Variants in M1AP observed in about 807,000 individuals in gnomAD.
M1AP encodes the protein meiosis 1 arrest protein.
Under a neutral mutation model 51.2 loss-of-function variants are expected in M1AP, and 39 were observed. The ratio of observed to expected loss-of-function variants is 0.76; its 90% CI spans 0.59 to 1.00. M1AP has a LOEUF of 1.00. Ranked by LOEUF, M1AP falls within the 50% of genes least tolerant of loss-of-function variation. The pLI is 0.00. For synonymous variants in M1AP, 251 were observed against 249.2 expected, an observed-to-expected ratio of 1.01 and a Z score of -0.07; for missense variants, 545 against 641.2, an observed-to-expected ratio of 0.85 and a Z score of 1.62.
chr2:74,558,376 C>G lies in M1AP; in HGVS notation c.*340G>C, dbSNP rs377649995. The G allele has an allele frequency of 8.5e-6, 2 of 235,888 alleles. No individual in the cohort carries two copies. The highest frequency in any genetic ancestry group is 5.8e-5 in the South Asian group (1 of 17,294). 14.6% of individuals were successfully genotyped at this position (235,888 alleles called of 1,614,324 possible). ...ACCAAAGGTGATCTGACCTCATCCA[C>G]CTGCTTACACAGAGCTACAAGAAGA... On this transcript the variant is annotated 3_prime_UTR_variant, in exon 11 of 11. Coordinates refer to ENST00000421985, the MANE Select transcript of M1AP (RefSeq NM_001321739.2).
intron 7 of M1AP, among the ~76,000 whole-genome samples, chr2:74,574,320 A>T (rs1208989970): frequency 1.3e-5 from 2 of 152,208 alleles, no homozygotes; most frequent in African/African-American, 4.8e-5. Flanking sequence ...GAAACCATGC[A>T]GTTATTTGAT....
chr2:74,628,166 A>G (rs1162140901), intron 2 of M1AP, among the ~76,000 whole-genome samples: 1 of 152,244 alleles, frequency 6.6e-6, no homozygotes. Flanking sequence ...AATAAAAACA[A>G]TACGAAAACT....
chr2:74,635,532 T>C (rs567617117), intron 2 of M1AP, among the ~76,000 whole-genome samples: 44 of 152,214 alleles, frequency 2.9e-4, no homozygotes, highest in African/African-American at 1.1e-3. Flanking sequence ...TCATTTTGCT[T>C]TTCCTTTTCT....
rs148756763 is a variant in M1AP at position 74,585,726 on chromosome 2, C to T, written c.596-3879G>A. On this transcript the variant is annotated intron_variant, in intron 4 of 10. Coordinates refer to ENST00000421985, the MANE Select transcript of M1AP (RefSeq NM_001321739.2). The stretch of plus-strand genomic sequence containing the variant: ...TGAGCACCTCTTGGGGGCAGACTTA[C>T]ATTATCCAAACTAGAGACTTATGTG... Among the ~76,000 whole-genome samples, 77 of 152,338 alleles carry T rather than the reference C, an allele frequency of 5.1e-4. 1 individual carries two copies. The highest frequency in any genetic ancestry group is 1.8e-3 in the African/African-American group (73 of 41,576).
At chr2:74,643,904 T>C (rs1683454924) in intron 1 of M1AP, among the ~76,000 whole-genome samples, 3 of 152,218 alleles carry the variant, frequency 2.0e-5, no homozygotes, top group Admixed American at 2.0e-4. Context: ...CCTAATGTTC[T>C]ATTTCTTGAT....
chr2:74,643,243 C>CA (rs897421027), intron 1 of M1AP, among the ~76,000 whole-genome samples: 4 of 151,936 alleles, frequency 2.6e-5, no homozygotes, highest in African/African-American at 4.8e-5. Flanking sequence ...ACACAAATGT[C>CA]AATCTACATT....
intron 2 of M1AP, among the ~76,000 whole-genome samples, chr2:74,626,486 T>C (rs531534472): frequency 6.6e-6 from 1 of 152,278 alleles, no homozygotes; most frequent in Non-Finnish European, 1.5e-5. Context: ...TGTGAACACC[T>C]GGCCTCAAGC....
chr2:74,596,321 G>T (rs914896647), intron 4 of M1AP, among the ~76,000 whole-genome samples: 3 of 152,186 alleles, frequency 2.0e-5, no homozygotes, highest in Non-Finnish European at 2.9e-5. Context: ...GGTGGCTCAC[G>T]CCTGTTATCC....
At chr2:74,605,945 G>A (rs1020961434) in intron 4 of M1AP, among the ~76,000 whole-genome samples, 2 of 152,084 alleles carry the variant, frequency 1.3e-5, no homozygotes, top group African/African-American at 2.4e-5. Context: ...TTCCTCAGGC[G>A]GCACCAGATA....
chr2:74,619,091 A>G, intron 2 of M1AP: 1 of 372,332 alleles, frequency 2.7e-6, no homozygotes, highest in Non-Finnish European at 5.4e-6. Context: ...ACCACAGACC[A>G]CTGTGCTTAT....
At chr2:74,561,184 A>AAGGAGGAGGAGGAGG (rs1558643803) in intron 8 of M1AP, among the ~76,000 whole-genome samples, 1 of 21,228 alleles carries the variant, frequency 4.7e-5, no homozygotes, top group African/African-American at 1.3e-4. Flanking sequence ...GGAGGAGGAG[A>AAGGAGGAGGAGGAGG]AGGAGGAGGA....
chr2:74,561,115 GAGGAGGAGGAGAAGGAGGAGGAGGAGA>G (rs1677922456), intron 8 of M1AP, among the ~76,000 whole-genome samples: 3 of 131,048 alleles, frequency 2.3e-5, no homozygotes, highest in Non-Finnish European at 3.3e-5. Flanking sequence ...GGAGGAGAAG[GAGGAGGAGGAGAAGGAGGAGGAGGAGA>G]AGGAGGAGGA....
At chr2:74,602,853 C>T (rs2104684561) in intron 4 of M1AP, among the ~76,000 whole-genome samples, 1 of 152,298 alleles carries the variant, frequency 6.6e-6, no homozygotes, top group African/African-American at 2.4e-5. Flanking sequence ...TAGAAAGCTG[C>T]TTTCCTGCAT....
chr2:74,643,787 G>A (rs2104857636), intron 1 of M1AP, among the ~76,000 whole-genome samples: 1 of 151,940 alleles, frequency 6.6e-6, no homozygotes, highest in South Asian at 2.1e-4. Flanking sequence ...GTAGAGACAG[G>A]GTTTTGCCAT....
At chr2:74,631,019 T>C (rs1682675438) in intron 2 of M1AP, among the ~76,000 whole-genome samples, 1 of 149,876 alleles carries the variant, frequency 6.7e-6, no homozygotes, top group African/African-American at 2.5e-5. Context: ...TAATTCTCTT[T>C]GTTTGGTTTG....
intron 4 of M1AP, among the ~76,000 whole-genome samples, chr2:74,603,386 T>C (rs1474232377): frequency 6.6e-6 from 1 of 152,222 alleles, no homozygotes; most frequent in Non-Finnish European, 1.5e-5. Flanking sequence ...AAGACACAAT[T>C]ATTGCACAAT....
In M1AP at chr2:74,562,220, C is replaced by T. The variant is rs1678064100; in HGVS notation, c.1278G>A (p.Val426=). The change falls in exon 8 of 11, where the codon GTG becomes GTA. Residue 426 remains valine (V), a synonymous_variant. Coordinates refer to ENST00000421985, the MANE Select transcript of M1AP (RefSeq NM_001321739.2). ...ATGAGATCTGGGCTCCACTTGCCTC[C>T]ACATTCTTAAGGCTATCATCATGTG... ...EDPHDDSLKN[V]ESMLDSLELE... is the part of the protein sequence containing the mutation. 6.2e-7 allele frequency: 1 copy of T among 1,607,268 alleles called. No individual in the cohort carries two copies. The highest frequency in any genetic ancestry group is 1.3e-5 in the African/African-American group (1 of 74,842).
intron 2 of M1AP, among the ~76,000 whole-genome samples, chr2:74,639,400 A>G (rs751551192): frequency 2.0e-5 from 3 of 152,158 alleles, no homozygotes; most frequent in Non-Finnish European, 2.9e-5. Flanking sequence ...TCTCTTCACT[A>G]TGATTCTGAA....
chr2:74,617,062 T>C (rs1681711246), intron 2 of M1AP, among the ~76,000 whole-genome samples: 2 of 152,238 alleles, frequency 1.3e-5, no homozygotes, highest in Non-Finnish European at 2.9e-5. Context: ...TTTGAGAATA[T>C]GTACTAAAAA....
Sources: allele counts gnomAD v4.1 joint callset (sites outside exome capture counted in the v4.1 genomes callset), GRCh38; gene constraint gnomAD v4.1.1; transcripts MANE v1.5; gene names NCBI Gene and HGNC (gene_info 2026-07-23, HGNC 2026-07-21).